The following SPART variants were observed in gnomAD, a reference collection of about 807,000 sequenced individuals.
The protein encoded by SPART is spastic paraplegia 20 (Troyer syndrome).
In SPART, 35 loss-of-function variants were observed where a neutral mutation model predicts 58.7. The observed-to-expected ratio is 0.60, with a 90% confidence interval of 0.46 to 0.79. The LOEUF (loss-of-function observed/expected upper bound fraction) is 0.79. Ranked by LOEUF, SPART falls within the 30% of genes least tolerant of loss-of-function variation. The pLI is 0.00. For synonymous variants in SPART, 284 were observed against 280.7 expected (o/e 1.01, Z -0.12); for missense variants, 730 against 786.1 (o/e 0.93, Z 0.85).
intron 1 of SPART, among the ~76,000 whole-genome samples, chr13:36,364,502 G>C (rs1885983807): frequency 6.6e-6 from 1 of 152,098 alleles, no homozygotes; most frequent in African/African-American, 2.4e-5. Flanking sequence ...TCCCACACCT[G>C]CTTGAGGGAT....
At chr13:36,309,552 G>A (rs1880877368) in intron 8 of SPART, among the ~76,000 whole-genome samples, 2 of 139,750 alleles carry the variant, frequency 1.4e-5, no homozygotes, top group South Asian at 2.3e-4. Context: ...ATACTACACA[G>A]CCCTAAAAAA....
intron 1 of SPART, chr13:36,360,571 G>A (rs1463700474): frequency 6.6e-6 from 1 of 152,554 alleles, no homozygotes; most frequent in African/African-American, 2.4e-5. Flanking sequence ...CAAGTACCAG[G>A]CATTGTGCTA....
chr13:36,333,112 A>T (rs1275950647), intron 2 of SPART, among the ~76,000 whole-genome samples: 1 of 152,062 alleles, frequency 6.6e-6, no homozygotes, highest in East Asian at 1.9e-4. Context: ...TGTCTTTAAA[A>T]AAACCAACAC....
intron 5 of SPART, among the ~76,000 whole-genome samples, chr13:36,319,040 A>T (rs1593236500): frequency 6.6e-6 from 1 of 151,976 alleles, no homozygotes; most frequent in Non-Finnish European, 1.5e-5. Context: ...CCCACTCCAC[A>T]TTACCCTCTT....
intron 1 of SPART, among the ~76,000 whole-genome samples, chr13:36,368,656 TA>T (rs765319057): frequency 4.9e-4 from 74 of 152,194 alleles, no homozygotes; most frequent in Non-Finnish European, 8.1e-4. Context: ...AAGCTAACAT[TA>T]AAAATCTTAA....
At chr13:36,358,791 T>C (rs943628166) in intron 1 of SPART, among the ~76,000 whole-genome samples, 1 of 152,228 alleles carries the variant, frequency 6.6e-6, no homozygotes. Flanking sequence ...ACAAACTACA[T>C]ATATATTAAG....
At chr13:36,362,347 C>T (rs1257389855) in intron 1 of SPART, among the ~76,000 whole-genome samples, 1 of 83,004 alleles carries the variant, frequency 1.2e-5, no homozygotes, top group Non-Finnish European at 2.3e-5. Context: ...GCAAGACTTC[C>T]ATCTCAAAAA....
intron 1 of SPART, chr13:36,336,354 T>G (rs1884003783): frequency 6.5e-6 from 1 of 153,078 alleles, no homozygotes. Flanking sequence ...CCCACTAAGA[T>G]GACTCTGGAA....
At chr13:36,317,962 A>C (rs967655936) in intron 5 of SPART, among the ~76,000 whole-genome samples, 6 of 152,126 alleles carry the variant, frequency 3.9e-5, no homozygotes, top group Non-Finnish European at 7.4e-5. Flanking sequence ...GCATTCTTTT[A>C]CACATCAGTC....
At chr13:36,319,303 C>T (rs9575909) in intron 5 of SPART, among the ~76,000 whole-genome samples, 24,546 of 149,170 alleles carry the variant, frequency 0.16, 2,624 homozygotes, top group East Asian at 0.5. Flanking sequence ...GCCTCCTTTG[C>T]GTCCCCCTCT....
intron 1 of SPART, among the ~76,000 whole-genome samples, chr13:36,367,910 A>G (rs1209390797): frequency 6.6e-6 from 1 of 152,206 alleles, no homozygotes; most frequent in Non-Finnish European, 1.5e-5. Flanking sequence ...AAAAAATTAT[A>G]TATTCTCAGG....
chr13:36,351,640 T>C (rs1230737437), intron 1 of SPART, among the ~76,000 whole-genome samples: 2 of 152,192 alleles, frequency 1.3e-5, no homozygotes, highest in Non-Finnish European at 2.9e-5. Context: ...TTAGGAATGA[T>C]ATATGCCTAT....
chr13:36,333,022 C>T (rs9575926), intron 2 of SPART, among the ~76,000 whole-genome samples: 36,535 of 147,892 alleles, frequency 0.25, 4,715 homozygotes, highest in East Asian at 0.5. Context: ...TTTTTTTTTT[C>T]TTTTTTTTAA....
chr13:36,367,758 T>A (rs896751333), intron 1 of SPART, among the ~76,000 whole-genome samples: 4 of 152,196 alleles, frequency 2.6e-5, no homozygotes, highest in African/African-American at 9.6e-5. Context: ...GGGCTTCTAT[T>A]CACAGGTGAT....
At chr13:36,321,529 TAAC>T (rs1320602123) in intron 5 of SPART, among the ~76,000 whole-genome samples, 37 of 152,068 alleles carry the variant, frequency 2.4e-4, no homozygotes, top group Non-Finnish European at 1.9e-4. Context: ...ATGTTTCTTC[TAAC>T]AACCCCACAA....
chr13:36,313,674 A>G (rs896922548), intron 6 of SPART, among the ~76,000 whole-genome samples: 1 of 152,156 alleles, frequency 6.6e-6, no homozygotes, highest in South Asian at 2.1e-4. Flanking sequence ...ACAATTTCCT[A>G]TAGTATTCAG....
At chr13:36,331,335 T>C in intron 3 of SPART, 64 bp downstream of exon 3, 2 of 1,400,142 alleles carry the variant, frequency 1.4e-6, no homozygotes, top group Admixed American at 1.7e-5. Flanking sequence ...ACAATTTCTC[T>C]AAAAGCTGAA....
chr13:36,366,442 C>G (rs907666889), intron 1 of SPART, among the ~76,000 whole-genome samples: 1 of 152,176 alleles, frequency 6.6e-6, no homozygotes, highest in South Asian at 2.1e-4. Flanking sequence ...CTTTATATTT[C>G]TCTCCCTATT....
intron 1 of SPART, among the ~76,000 whole-genome samples, chr13:36,338,180 G>T (rs541668376): frequency 1.3e-5 from 2 of 152,248 alleles, no homozygotes; most frequent in African/African-American, 4.8e-5. Context: ...GGGGACTACT[G>T]TATATATACA....
Sources: gnomAD v4.1 joint callset for allele counts (sites outside exome capture counted in the v4.1 genomes callset) on GRCh38, gnomAD v4.1.1 for gene constraint, MANE v1.5 for transcripts, NCBI Gene and HGNC (gene_info 2026-07-23, HGNC 2026-07-21) for gene names.